PRKN: variants seen among roughly 807,000 people sequenced by gnomAD.
PRKN encodes the protein parkin RBR E3 ubiquitin protein ligase.
PRKN carries 56 observed loss-of-function variants against 59.5 expected under a neutral mutation model. The observed-to-expected ratio is 0.94, with a 90% CI of 0.76 to 1.18. The LOEUF is 1.18. Ranked by LOEUF, PRKN falls within the 50% of genes most tolerant of loss-of-function variation. PRKN has a pLI of 0.00. For missense variants in PRKN, 657 were observed against 596.4 expected (o/e 1.10, Z -1.06); for synonymous variants, 250 against 222.1 (o/e 1.13, Z -1.12).
At chr6:162,463,583 A>T (rs1018533173) in intron 1 of PRKN, among the ~76,000 whole-genome samples, 4 of 152,170 alleles carry the variant, frequency 2.6e-5, no homozygotes, top group African/African-American at 9.6e-5. Flanking sequence ...CTGTGTGTGC[A>T]GGTGTCACTT....
At chr6:162,039,653 A>G (rs1272456164) in intron 5 of PRKN, among the ~76,000 whole-genome samples, 1 of 152,204 alleles carries the variant, frequency 6.6e-6, no homozygotes, top group Non-Finnish European at 1.5e-5. Flanking sequence ...CAGGACTGTG[A>G]ACTAGATAAG....
intron 7 of PRKN, among the ~76,000 whole-genome samples, chr6:161,785,285 T>C (rs1583162091): frequency 6.6e-6 from 1 of 152,338 alleles, no homozygotes; most frequent in East Asian, 1.9e-4. Flanking sequence ...AATAACAGTA[T>C]AGTACAAGTA....
intron 2 of PRKN, among the ~76,000 whole-genome samples, chr6:162,320,026 A>G (rs1782922208): frequency 6.6e-6 from 1 of 151,852 alleles, no homozygotes; most frequent in African/African-American, 2.4e-5. Flanking sequence ...ATGTGTACAC[A>G]TTCTTTAGCT....
chr6:162,435,375 T>C (rs527349289), intron 2 of PRKN, among the ~76,000 whole-genome samples: 2 of 152,140 alleles, frequency 1.3e-5, no homozygotes, highest in Non-Finnish European at 2.9e-5. Flanking sequence ...AGTCTATGCT[T>C]ATTGATGGCA....
intron 4 of PRKN, among the ~76,000 whole-genome samples, chr6:162,070,659 G>A (rs2023062): frequency 0.83 from 125,675 of 152,078 alleles, 52,085 homozygotes; most frequent in Admixed American, 0.88. Context: ...CCAGTGGGAT[G>A]GTTTCAGGAT....
In PRKN at chr6:162,127,094, G is replaced by A. The variant is rs1240803253; in HGVS notation, c.535-72920C>T. ...TATTGATTTCTAAACCAATAAAATG[G>A]ATACTTATTCAAAGCCAGAAGGATT... On this transcript the variant is annotated intron_variant, in intron 4 of 11. Coordinates refer to ENST00000366898, the MANE Select transcript of PRKN (RefSeq NM_004562.3). Among the ~76,000 whole-genome samples the A allele has an allele frequency of 3.3e-5, 5 of 152,124 alleles. No homozygotes were observed. The East Asian group carries it at 9.6e-4, about 29-fold the overall frequency.
chr6:162,700,188 T>TG (rs1187122207), intron 1 of PRKN, among the ~76,000 whole-genome samples: 1 of 152,200 alleles, frequency 6.6e-6, no homozygotes, highest in Non-Finnish European at 1.5e-5. Flanking sequence ...AATTGCCCCA[T>TG]GCTTAGGCAT....
At chr6:161,646,205 G>A (rs2128160053) in intron 7 of PRKN, among the ~76,000 whole-genome samples, 1 of 58,832 alleles carries the variant, frequency 1.7e-5, no homozygotes, top group Non-Finnish European at 3.6e-5. Context: ...TGGAGGAGGC[G>A]GCGTATCAGT....
At chr6:162,594,959 G>C (rs1038199832) in intron 1 of PRKN, among the ~76,000 whole-genome samples, 2 of 152,112 alleles carry the variant, frequency 1.3e-5, no homozygotes, top group Non-Finnish European at 2.9e-5. Context: ...TAGATCACGA[G>C]GTCAGGAGAT....
intron 1 of PRKN, among the ~76,000 whole-genome samples, chr6:162,657,444 A>G (rs1316473678): frequency 1.3e-5 from 2 of 152,152 alleles, no homozygotes; most frequent in Non-Finnish European, 2.9e-5. Flanking sequence ...ACTTTCCATC[A>G]ATATGTGTTT....
At chr6:161,601,230 T>G (rs1421287332) in intron 7 of PRKN, among the ~76,000 whole-genome samples, 1 of 152,152 alleles carries the variant, frequency 6.6e-6, no homozygotes. Flanking sequence ...CAAAAAAAAT[T>G]TATTTCTCAC....
intron 2 of PRKN, among the ~76,000 whole-genome samples, chr6:162,437,578 C>T (rs1364821058): frequency 2.0e-5 from 3 of 152,168 alleles, no homozygotes; most frequent in African/African-American, 7.2e-5. Flanking sequence ...ACCCTCCTCT[C>T]ACCTGCTTCC....
chr6:162,660,569 T>G (rs1778839783), intron 1 of PRKN, among the ~76,000 whole-genome samples: 1 of 152,208 alleles, frequency 6.6e-6, no homozygotes, highest in Non-Finnish European at 1.5e-5. Context: ...TAGCTATTTA[T>G]GCAGACCTCT....
At chr6:161,784,570 A>C (rs373563612) in intron 7 of PRKN, among the ~76,000 whole-genome samples, 1 of 152,242 alleles carries the variant, frequency 6.6e-6, no homozygotes, top group Non-Finnish European at 1.5e-5. Context: ...TCAAATCCAC[A>C]ATAAGACACC....
At chr6:162,635,778 T>C (rs774420592) in intron 1 of PRKN, among the ~76,000 whole-genome samples, 6 of 152,140 alleles carry the variant, frequency 3.9e-5, no homozygotes, top group African/African-American at 7.2e-5. Flanking sequence ...CCACCAATAA[T>C]TGTACACAGG....
At chr6:161,567,938 A>C (rs1057303348) in intron 8 of PRKN, among the ~76,000 whole-genome samples, 1 of 152,224 alleles carries the variant, frequency 6.6e-6, no homozygotes, top group African/African-American at 2.4e-5. Context: ...TGTCTTCACA[A>C]GGAGTTATGT....
chr6:161,838,035 C>T (rs1400306769), intron 6 of PRKN, among the ~76,000 whole-genome samples: 3 of 152,112 alleles, frequency 2.0e-5, no homozygotes, highest in Non-Finnish European at 4.4e-5. Flanking sequence ...GGACAGAAAG[C>T]GGCTGAAGGA....
At chr6:162,198,114 A>G (rs965285551) in intron 4 of PRKN, among the ~76,000 whole-genome samples, 1 of 152,222 alleles carries the variant, frequency 6.6e-6, no homozygotes, top group African/African-American at 2.4e-5. Context: ...GAAAAACTTC[A>G]GAGAAGGGTC....
intron 3 of PRKN, among the ~76,000 whole-genome samples, chr6:162,207,599 C>T (rs1785006213): frequency 6.6e-6 from 1 of 152,168 alleles, no homozygotes; most frequent in Admixed American, 6.6e-5. Flanking sequence ...GTCTGCCCAT[C>T]TTTCCGTCTC....
Sources: allele counts gnomAD v4.1 joint callset (sites outside exome capture counted in the v4.1 genomes callset), GRCh38; gene constraint gnomAD v4.1.1; transcripts MANE v1.5; gene names NCBI Gene and HGNC (gene_info 2026-07-23, HGNC 2026-07-21).